DENND1A: variants seen among roughly 807,000 people sequenced by gnomAD.
DENND1A encodes DENN domain-containing protein 1A.
Under a neutral mutation model 113.7 loss-of-function variants are expected in DENND1A, and 51 were observed. The observed-to-expected ratio is 0.45, with a 90% confidence interval of 0.36 to 0.57. The LOEUF (loss-of-function observed/expected upper bound fraction) is 0.57, where lower values mean the gene tolerates loss of function less well. Ranked by LOEUF, DENND1A falls within the 20% of genes least tolerant of loss-of-function variation. The pLI, the probability that DENND1A is intolerant of heterozygous loss-of-function variation, is 0.00. For missense variants in DENND1A, 1,258 were observed against 1,395.9 expected (o/e 0.90, Z 1.57); for synonymous variants, 565 against 570.8 (o/e 0.99, Z 0.14).
At chr9:123,731,556 T>C (rs1262614666) in intron 5 of DENND1A, among the ~76,000 whole-genome samples, 1 of 152,168 alleles carries the variant, frequency 6.6e-6, no homozygotes, top group East Asian at 1.9e-4. Context: ...CTTTATACCT[T>C]AAAAATAATT....
intron 11 of DENND1A, among the ~76,000 whole-genome samples, chr9:123,583,890 G>A (rs1380951453): frequency 6.6e-6 from 1 of 152,218 alleles, no homozygotes; most frequent in African/African-American, 2.4e-5. Flanking sequence ...TAGAAAAGAT[G>A]AGGGAAACTC....
intron 13 of DENND1A, among the ~76,000 whole-genome samples, chr9:123,547,784 A>C (rs1218000869): frequency 6.6e-6 from 1 of 152,188 alleles, no homozygotes; most frequent in Non-Finnish European, 1.5e-5. Flanking sequence ...GGTGTTTTGC[A>C]TGGCTCCAGG....
chr9:123,818,230 G>A (rs1412868769), intron 2 of DENND1A, among the ~76,000 whole-genome samples: 1 of 151,228 alleles, frequency 6.6e-6, no homozygotes, highest in Non-Finnish European at 1.5e-5. Context: ...TCAGCCTCCC[G>A]AGTAGCTGGG....
intron 13 of DENND1A, among the ~76,000 whole-genome samples, chr9:123,495,426 A>ACGAGTCAAAGGCCCACTTTC (rs1371028759): frequency 3.3e-5 from 5 of 152,182 alleles, no homozygotes; most frequent in Non-Finnish European, 7.4e-5. Context: ...TCACAACACC[A>ACGAGTCAAAGGCCCACTTTC]CGAGTCAAAG....
intron 13 of DENND1A, among the ~76,000 whole-genome samples, chr9:123,527,388 G>C (rs1475993442): frequency 1.3e-5 from 2 of 152,058 alleles, no homozygotes; most frequent in Non-Finnish European, 1.5e-5. Context: ...ATGACCTAAG[G>C]ATTCATTTTA....
chr9:123,633,727 G>C (rs553796621), intron 9 of DENND1A, among the ~76,000 whole-genome samples: 1 of 152,264 alleles, frequency 6.6e-6, no homozygotes, highest in South Asian at 2.1e-4. Context: ...AGTGGGCTGA[G>C]ATCACACCAC....
At chr9:123,815,837 A>C (rs961667051) in intron 2 of DENND1A, among the ~76,000 whole-genome samples, 3 of 152,108 alleles carry the variant, frequency 2.0e-5, no homozygotes, top group African/African-American at 7.2e-5. Flanking sequence ...TTTGTATTTC[A>C]GGACAATCTA....
At chr9:123,632,705 A>G (rs2061530690) in intron 9 of DENND1A, among the ~76,000 whole-genome samples, 1 of 152,094 alleles carries the variant, frequency 6.6e-6, no homozygotes. Context: ...CACACTCTGT[A>G]CCATCTTCTC....
intron 13 of DENND1A, among the ~76,000 whole-genome samples, chr9:123,465,308 ATTTTTTTTT>A (rs60428558): frequency 2.7e-4 from 22 of 80,094 alleles, no homozygotes; most frequent in African/African-American, 8.5e-4. Context: ...TTTGTCTTTG[ATTTTTTTTT>A]TTTTTTTTTT....
chr9:123,650,859 A>G (rs1429855751), intron 9 of DENND1A, among the ~76,000 whole-genome samples: 3 of 145,520 alleles, frequency 2.1e-5, no homozygotes, highest in Non-Finnish European at 1.5e-5. Flanking sequence ...GTGAGCCGAG[A>G]TAGTGCCACT....
At chr9:123,730,506 A>G (rs962009437) in intron 5 of DENND1A, among the ~76,000 whole-genome samples, 8 of 152,240 alleles carry the variant, frequency 5.3e-5, no homozygotes, top group Non-Finnish European at 1.2e-4. Context: ...TATGAAAAAA[A>G]GCTCAACATC....
chr9:123,580,035 C>T (rs2058815274), intron 12 of DENND1A, among the ~76,000 whole-genome samples: 1 of 152,138 alleles, frequency 6.6e-6, no homozygotes, highest in South Asian at 2.1e-4. Flanking sequence ...TCCAATCTTG[C>T]CTATAATTAT....
At chr9:123,402,209 T>C (rs2043529495) in intron 21 of DENND1A, among the ~76,000 whole-genome samples, 1 of 151,970 alleles carries the variant, frequency 6.6e-6, no homozygotes. Context: ...AAATGTCTAA[T>C]AACTGAGCAT....
At chr9:123,600,013 C>T (rs1338075369) in intron 11 of DENND1A, among the ~76,000 whole-genome samples, 1 of 152,170 alleles carries the variant, frequency 6.6e-6, no homozygotes, top group Admixed American at 6.5e-5. Flanking sequence ...GGGTACGGCT[C>T]TTCAATCATC....
chr9:123,511,759 A>G, intron 13 of DENND1A, among the ~76,000 whole-genome samples: 1 of 152,366 alleles, frequency 6.6e-6, no homozygotes, highest in African/African-American at 2.4e-5. Flanking sequence ...ACAGAGTGCC[A>G]AGCCAACAAC....
At chr9:123,457,476 G>A (rs1409929994) in intron 14 of DENND1A, 41 bp from the exon 15 acceptor site, 2 of 1,512,274 alleles carry the variant, frequency 1.3e-6, no homozygotes, top group Admixed American at 1.7e-5. Flanking sequence ...CTCGTACAAA[G>A]AAAAGGGGGA....
intron 5 of DENND1A, among the ~76,000 whole-genome samples, chr9:123,720,190 C>T (rs148463550): frequency 1.1e-4 from 16 of 152,272 alleles, no homozygotes; most frequent in East Asian, 1.9e-4. Context: ...AACATCACCA[C>T]GTATTCAAAC....
chr9:123,679,020 A>T (rs1356749931), intron 5 of DENND1A, among the ~76,000 whole-genome samples: 1 of 152,204 alleles, frequency 6.6e-6, no homozygotes, highest in Non-Finnish European at 1.5e-5. Context: ...AAATTTGACC[A>T]AGGATTACAA....
In DENND1A at chr9:123,674,675, G is replaced by A. The variant is rs1040758886; in HGVS notation, c.372+2045C>T. On this transcript the variant is annotated intron_variant, in intron 6 of 23. Transcript: ENST00000394215. ...CTGATCTCAGTCCGACATCCCAAGA[G>A]GCAGAGTCCTGCTGAAGCAATCGCC... Among the ~76,000 whole-genome samples, 5 of 152,240 alleles carry A rather than the reference G, an allele frequency of 3.3e-5. No homozygotes were observed. In the South Asian group the frequency reaches 6.2e-4, roughly 19 times the overall value.
Sources: gnomAD v4.1 joint callset for allele counts (sites outside exome capture counted in the v4.1 genomes callset) on GRCh38, gnomAD v4.1.1 for gene constraint, MANE v1.5 for transcripts, NCBI Gene and HGNC (gene_info 2026-07-23, HGNC 2026-07-21) for gene names.